Variants in PKD1L1 observed in about 807,000 individuals in gnomAD.
PKD1L1 encodes polycystin-1-like protein 1.
A neutral mutation model predicts 323.4 loss-of-function variants in PKD1L1; 236 were observed. The ratio of observed to expected loss-of-function variants is 0.73; its 90% CI spans 0.66 to 0.81. The LOEUF is 0.81. Ranked by LOEUF, PKD1L1 falls within the 40% of genes least tolerant of loss-of-function variation. PKD1L1 has a pLI of 0.00. For synonymous variants in PKD1L1, 1,344 were observed against 1,335.0 expected, an observed-to-expected ratio of 1.01 and a Z score of -0.15; for missense variants, 3,320 against 3,508.0, an observed-to-expected ratio of 0.95 and a Z score of 1.35.
chr7:47,858,869 G>T lies in PKD1L1; in HGVS notation c.4166C>A (p.Ala1389Glu). 1 of 1,613,442 alleles carries T rather than the reference G, an allele frequency of 6.2e-7. No individual in the cohort carries two copies. Among genetic ancestry groups the T allele is most frequent in the Non-Finnish European group, 8.5e-7 (1 of 1,179,726 alleles). The change falls in exon 27 of 57, where the codon GCG becomes GAG. Residue 1389 changes from alanine to glutamate, a missense_variant. Transcript: ENST00000289672. ...SFSNKLGFMS[A>E]VLILKYTRAL... is the part of the protein sequence containing the mutation. ...CCGGGTGTACTTGAGGATGAGAACC[G>T]CACTCATAAAGCCTAGCTGCATGAA...
intron 29 of PKD1L1, 55 bp from the exon 30 acceptor site, chr7:47,855,094 C>CA (rs1785868335): frequency 6.2e-7 from 1 of 1,608,006 alleles, no homozygotes; most frequent in Non-Finnish European, 8.5e-7. Flanking sequence ...AAAATAAACA[C>CA]ATTAAAAATC....
chr7:47,830,300 G>A (rs1305570496), intron 42 of PKD1L1, among the ~76,000 whole-genome samples, 176 bp from the exon 43 acceptor site: 1 of 152,236 alleles, frequency 6.6e-6, no homozygotes. Context: ...CATCGGAGGG[G>A]AACCCTTGTC....
intron 24 of PKD1L1, among the ~76,000 whole-genome samples, chr7:47,872,544 T>A (rs916276843): frequency 6.6e-6 from 1 of 152,190 alleles, no homozygotes; most frequent in African/African-American, 2.4e-5. Context: ...GGTAAAGTAC[T>A]AAGCAGACAT....
At chr7:47,941,716 A>T (rs1787989391) in intron 2 of PKD1L1, among the ~76,000 whole-genome samples, 1 of 152,200 alleles carries the variant, frequency 6.6e-6, no homozygotes, top group Admixed American at 6.5e-5. Flanking sequence ...TATTTAGAAA[A>T]TGTTTCGGAA....
chr7:47,880,280 A>ATTTTTT (rs1380647150), intron 21 of PKD1L1, among the ~76,000 whole-genome samples: 2 of 71,552 alleles, frequency 2.8e-5, no homozygotes, highest in African/African-American at 7.5e-5. Context: ...ATATATATAT[A>ATTTTTT]TATATTTTTT....
At chr7:47,784,870 C>T (rs1786773667) in intron 56 of PKD1L1, among the ~76,000 whole-genome samples, 1 of 152,186 alleles carries the variant, frequency 6.6e-6, no homozygotes, top group African/African-American at 2.4e-5. Flanking sequence ...CTACCCTTTC[C>T]AGAGCCACCT....
intron 16 of PKD1L1, among the ~76,000 whole-genome samples, chr7:47,888,729 C>T (rs1309036344): frequency 6.6e-6 from 1 of 152,202 alleles, no homozygotes; most frequent in Non-Finnish European, 1.5e-5. Context: ...CCCATGCCCA[C>T]AGCCCGGCGC....
chr7:47,940,546 T>A (rs1787965155), intron 2 of PKD1L1, among the ~76,000 whole-genome samples: 1 of 152,302 alleles, frequency 6.6e-6, no homozygotes, highest in Admixed American at 6.5e-5. Context: ...CTAAGCAATA[T>A]GAGGAAACGC....
At position 47,931,124 on chromosome 7, in the gene PKD1L1, ATG is replaced by A. The variant is rs1251491533; in HGVS notation, c.715_716del (p.His239PhefsTer29). ...CGTACCTTCTGGGAGAAGTGGGAAA[ATG>A]TGAAATCGGCCACAGGGGCACTCGC... ...SQRVPLWPIS[H>X]FPTSPRSSHG... On this transcript the variant is annotated frameshift_variant, in exon 6 of 57. Coordinates refer to ENST00000289672, the MANE Select transcript of PKD1L1 (RefSeq NM_138295.5). LOFTEE classifies it high-confidence loss of function. The A allele has an allele frequency of 6.2e-7, 1 of 1,614,024 alleles. No homozygotes were observed. Among genetic ancestry groups the A allele is most frequent in the Non-Finnish European group, 8.5e-7 (1 of 1,179,940 alleles).
intron 15 of PKD1L1, among the ~76,000 whole-genome samples, chr7:47,892,854 G>A (rs1486426256): frequency 6.6e-6 from 1 of 152,004 alleles, no homozygotes; most frequent in African/African-American, 2.4e-5. Flanking sequence ...CGGGGGTAGG[G>A]GAGGTGGTGT....
intron 21 of PKD1L1, among the ~76,000 whole-genome samples, chr7:47,879,354 G>T (rs1786479019): frequency 6.6e-6 from 1 of 152,188 alleles, no homozygotes; most frequent in Non-Finnish European, 1.5e-5. Flanking sequence ...TTGGCTGGGT[G>T]CGGTGGCTTA....
In PKD1L1 at chr7:47,820,786, G is replaced by A. The variant is rs578078189; in HGVS notation, c.6965+290C>T. Among the ~76,000 whole-genome samples the A allele has an allele frequency of 1.6e-3, 237 of 149,984 alleles. 1 individual carries two copies. The highest frequency in any genetic ancestry group is 5.4e-3 in the African/African-American group (223 of 41,260). On this transcript the variant is annotated intron_variant, in intron 46 of 56. Transcript: ENST00000289672. ...TCAGTTATTACGAACTGCAACCATA[G>A]GCTTTGATAGAAGAACTCTGAGGTC...
At chr7:47,949,333 C>CACT (rs1788166258), upstream of PKD1L1, among the ~76,000 whole-genome samples, 1 of 127,076 alleles carries the variant, frequency 7.9e-6, no homozygotes. Flanking sequence ...CGTGCCACCA[C>CACT]ACTCCAGCCT....
At chr7:47,807,523 A>G (rs1453509650) in intron 52 of PKD1L1, among the ~76,000 whole-genome samples, 1 of 152,064 alleles carries the variant, frequency 6.6e-6, no homozygotes, top group African/African-American at 2.4e-5. Flanking sequence ...TCTAGATGGG[A>G]AAAGGAGGAC....
At chr7:47,853,053 A>G (rs1310636273) in intron 31 of PKD1L1, 74 bp downstream of exon 31, 15 of 988,000 alleles carry the variant, frequency 1.5e-5, no homozygotes, top group Non-Finnish European at 1.9e-5. Flanking sequence ...AAACACCACT[A>G]TACATACAAA....
intron 7 of PKD1L1, among the ~76,000 whole-genome samples, chr7:47,919,897 C>G (rs964741773): frequency 4.6e-5 from 7 of 152,090 alleles, no homozygotes; most frequent in Non-Finnish European, 8.8e-5. Context: ...ATGACAGACC[C>G]ACAGCCAACA....
intron 7 of PKD1L1, among the ~76,000 whole-genome samples, chr7:47,928,895 G>C (rs1374375592): frequency 6.6e-6 from 1 of 152,170 alleles, no homozygotes; most frequent in African/African-American, 2.4e-5. Flanking sequence ...CTTCTGTGTA[G>C]GATGAAGCGC....
At chr7:47,909,412 C>G (rs1787272957) in intron 8 of PKD1L1, among the ~76,000 whole-genome samples, 1 of 152,190 alleles carries the variant, frequency 6.6e-6, no homozygotes, top group South Asian at 2.1e-4. Flanking sequence ...AAATATGCCC[C>G]TGTGCAGGCT....
At chr7:47,941,163 T>C (rs1322540308) in intron 2 of PKD1L1, among the ~76,000 whole-genome samples, 1 of 152,094 alleles carries the variant, frequency 6.6e-6, no homozygotes, top group African/African-American at 2.4e-5. Flanking sequence ...GGGAAGGAAG[T>C]GGGGGTGGCG....
Sources: allele counts gnomAD v4.1 joint callset (sites outside exome capture counted in the v4.1 genomes callset), GRCh38; gene constraint gnomAD v4.1.1; transcripts MANE v1.5; gene names NCBI Gene and HGNC (gene_info 2026-07-23, HGNC 2026-07-21).